Variants in NAV3 observed in about 807,000 individuals in gnomAD.
NAV3 encodes neuron navigator 3.
Under a neutral mutation model 244.7 loss-of-function variants are expected in NAV3, and 87 were observed. The observed-to-expected ratio is 0.36, with a 90% CI of 0.30 to 0.42. NAV3 has a LOEUF of 0.42. NAV3 is among the 20% of genes least tolerant of loss of function. NAV3 has a pLI of 1.00. For missense variants in NAV3, 2,663 were observed against 2,893.3 expected (o/e 0.92, Z 1.83); for synonymous variants, 1,126 against 1,042.2 (o/e 1.08, Z -1.55).
At chr12:78,114,874 T>A (rs1015470116) in intron 12 of NAV3, among the ~76,000 whole-genome samples, 1 of 152,192 alleles carries the variant, frequency 6.6e-6, no homozygotes, top group Non-Finnish European at 1.5e-5. Context: ...ATTATAAATG[T>A]CATGGATAAT....
intron 12 of NAV3, among the ~76,000 whole-genome samples, chr12:78,067,449 C>A (rs11108107): frequency 1.3e-5 from 2 of 152,082 alleles, no homozygotes; most frequent in Non-Finnish European, 2.9e-5. Context: ...CTTTGCCATT[C>A]TGCTCATGAT....
At chr12:77,767,761 T>C (rs1230880153) in intron 2 of NAV3, among the ~76,000 whole-genome samples, 5 of 152,202 alleles carry the variant, frequency 3.3e-5, no homozygotes, top group African/African-American at 1.2e-4. Context: ...GAGGGGGTCA[T>C]AGCCCTGGTT....
chr12:77,899,736 C>T, intron 1 of NAV3, among the ~76,000 whole-genome samples: 1 of 152,132 alleles, frequency 6.6e-6, no homozygotes, highest in Middle Eastern at 3.2e-3. Flanking sequence ...GCATATTTTA[C>T]ATGTCCGGAA....
rs142541415 is a variant in NAV3, at chr12:77,749,504, A to C, written c.72+177238A>C. On this transcript the variant is annotated intron_variant, in intron 2 of 8. Transcript: ENST00000550042. ...TGCTGAGTTGATGGGTTGCATCAAA[A>C]TTATGGGACTGAATTTAAATGTAAA... is the stretch of plus-strand genomic sequence containing the variant. Among the ~76,000 whole-genome samples the C allele has an allele frequency of 9.8e-4, 149 of 152,336 alleles. 1 individual carries two copies. In the East Asian group the frequency reaches 0.022, roughly 23 times the overall value.
At position 78,188,119 on chromosome 12, in the gene NAV3, A is replaced by G. The variant is rs1958808936; in HGVS notation, c.5791-129A>G. 7 of 668,316 alleles carry G rather than the reference A, an allele frequency of 1.0e-5. No individual in the cohort carries two copies. The Admixed American group carries it at 1.7e-4, about 16-fold the overall frequency. 41.4% of individuals were successfully genotyped at this position (668,316 alleles called of 1,614,324 possible). ...TAATCCACCATGTGTGTCTGTTACT[A>G]TAGAAGCCACAGGTTTAACAAATAG... On this transcript the variant is annotated intron_variant, in intron 31 of 39. Transcript: ENST00000397909.
chr12:77,957,613 T>C (rs1412613055), intron 3 of NAV3, among the ~76,000 whole-genome samples: 1 of 152,170 alleles, frequency 6.6e-6, no homozygotes, highest in Non-Finnish European at 1.5e-5. Flanking sequence ...GCTATGCTAA[T>C]TAAAAGCACT....
intron 9 of NAV3, among the ~76,000 whole-genome samples, chr12:78,022,835 A>G (rs1877382829): frequency 6.6e-6 from 1 of 152,178 alleles, no homozygotes; most frequent in African/African-American, 2.4e-5. Flanking sequence ...GACAACAATT[A>G]CAGAACAACA....
At chr12:77,657,672 C>T (rs1457834617) in intron 2 of NAV3, among the ~76,000 whole-genome samples, 2 of 152,146 alleles carry the variant, frequency 1.3e-5, no homozygotes, top group South Asian at 2.1e-4. Context: ...AATTTTAGAC[C>T]AATATCCTTG....
At chr12:77,812,042 T>TTATTC (rs1872310929) in intron 2 of NAV3, among the ~76,000 whole-genome samples, 1 of 152,200 alleles carries the variant, frequency 6.6e-6, no homozygotes, top group Admixed American at 6.5e-5. Context: ...ATAGATAATT[T>TTATTC]TATTCTATTC....
intron 2 of NAV3, among the ~76,000 whole-genome samples, chr12:77,707,313 G>GT (rs1348480284): frequency 2.0e-5 from 3 of 149,992 alleles, no homozygotes; most frequent in Non-Finnish European, 4.4e-5. Context: ...GTGGTGTTTG[G>GT]TTTTTTGTCC....
intron 1 of NAV3, among the ~76,000 whole-genome samples, chr12:77,873,962 G>A (rs1451131453): frequency 1.3e-5 from 2 of 151,386 alleles, no homozygotes; most frequent in African/African-American, 2.4e-5. Context: ...CAGCAGGCTA[G>A]TGAGTTCTAG....
At chr12:77,910,759 C>T (rs1339410784) in intron 1 of NAV3, among the ~76,000 whole-genome samples, 2 of 152,162 alleles carry the variant, frequency 1.3e-5, no homozygotes, top group South Asian at 4.2e-4. Context: ...CAGGCTGCAC[C>T]TTATATTCTG....
rs542500997 is a variant in NAV3 at position 78,177,922 on chromosome 12, GC to G, written c.5363+243del. Among the ~76,000 whole-genome samples the G allele has an allele frequency of 9.5e-5, 9 of 94,608 alleles. No homozygotes were observed. In the South Asian group the frequency reaches 1.1e-3, roughly 12 times the overall value. The allele number at this position is 94,608 out of a possible 152,430, so 62.1% of individuals were successfully genotyped here. On this transcript the variant is annotated intron_variant, in intron 28 of 39. Transcript: ENST00000397909. ...TAGCCCACTTTTTGGTAGTACAGTA[GC>G]CCCCCGTTATCCACCAGGGGTACTT... is the stretch of plus-strand genomic sequence containing the variant.
intron 3 of NAV3, among the ~76,000 whole-genome samples, chr12:77,953,321 T>G (rs931073813): frequency 1.3e-5 from 2 of 152,144 alleles, no homozygotes; most frequent in Non-Finnish European, 2.9e-5. Context: ...TTATAGAGCT[T>G]AGCTCCATAT....
chr12:77,891,577 T>A (rs1883943343), intron 1 of NAV3, among the ~76,000 whole-genome samples: 2 of 152,176 alleles, frequency 1.3e-5, no homozygotes, highest in African/African-American at 4.8e-5. Context: ...TATTTATGAC[T>A]TGATACATGT....
At chr12:77,727,997 T>A (rs1309931976) in intron 2 of NAV3, among the ~76,000 whole-genome samples, 1 of 151,920 alleles carries the variant, frequency 6.6e-6, no homozygotes, top group Non-Finnish European at 1.5e-5. Context: ...TATTTTTTTT[T>A]TAGATGTTTT....
intron 2 of NAV3, among the ~76,000 whole-genome samples, chr12:77,718,008 C>G (rs1424538162): frequency 6.6e-6 from 1 of 152,076 alleles, no homozygotes; most frequent in African/African-American, 2.4e-5. Context: ...TGCAAACATT[C>G]CCTCCCATTC....
At chr12:78,013,578 G>C (rs1438635569) in intron 8 of NAV3, among the ~76,000 whole-genome samples, 1 of 152,096 alleles carries the variant, frequency 6.6e-6, no homozygotes, top group Non-Finnish European at 1.5e-5. Context: ...TTGGAGCCTG[G>C]TTGTAGTAGA....
chr12:78,119,901 G>A lies in NAV3; in HGVS notation c.3705G>A (p.Gln1235=), dbSNP rs1296425663. 2.3e-5 allele frequency: 37 copies of A among 1,614,110 alleles called. No individual in the cohort carries two copies. Among genetic ancestry groups the A allele is most frequent in the Non-Finnish European group, 3.1e-5 (37 of 1,180,018 alleles). ...ASACGAQGLR[Q]PGSKYPDIAS... ...CCTGTGGTGCACAAGGTCTCAGGCA[G>A]CCAGGATCCAAGTATCCAGATATTG... The change falls in exon 15 of 40, where the codon CAG becomes CAA. Residue 1235 remains glutamine, a synonymous_variant. Transcript: ENST00000397909.
Sources: allele counts gnomAD v4.1 joint callset (sites outside exome capture counted in the v4.1 genomes callset), GRCh38; gene constraint gnomAD v4.1.1; transcripts MANE v1.5; gene names NCBI Gene and HGNC (gene_info 2026-07-23, HGNC 2026-07-21).